Variants in PCSK6 observed in about 807,000 individuals in gnomAD.
The protein encoded by PCSK6 is proprotein convertase subtilisin/kexin type 6.
In PCSK6, 85 loss-of-function variants were observed where a neutral mutation model predicts 123.3. The observed-to-expected ratio is 0.69, with a 90% CI of 0.58 to 0.83. The LOEUF is 0.83. Among genes scored for constraint, PCSK6 ranks in the 40% least tolerant of loss-of-function variants. PCSK6 has a pLI of 0.00. For synonymous variants in PCSK6, 508 were observed against 516.0 expected, an observed-to-expected ratio of 0.98 and a Z score of 0.21; for missense variants, 1,191 against 1,282.3, an observed-to-expected ratio of 0.93 and a Z score of 1.09.
chr15:101,403,230 A>C (rs1325507458), intron 6 of PCSK6, among the ~76,000 whole-genome samples: 1 of 132,730 alleles, frequency 7.5e-6, no homozygotes, highest in African/African-American at 2.9e-5. Context: ...ATGAGAACAC[A>C]TGGACACAGG....
chr15:101,322,236 C>T (rs889178808), intron 18 of PCSK6, among the ~76,000 whole-genome samples: 8 of 152,134 alleles, frequency 5.3e-5, no homozygotes, highest in African/African-American at 1.7e-4. Flanking sequence ...GGTGCTGGAG[C>T]GAAAGGAGGC....
chr15:101,431,863 C>G (rs1261809756), intron 3 of PCSK6, 127 bp downstream of exon 3: 1 of 746,750 alleles, frequency 1.3e-6, no homozygotes, highest in East Asian at 2.7e-5. Flanking sequence ...TGGTTTTACA[C>G]CCTCAAGGTG....
intron 16 of PCSK6, among the ~76,000 whole-genome samples, 186 bp downstream of exon 16, chr15:101,326,191 T>A (rs1288405807): frequency 6.6e-6 from 1 of 152,274 alleles, no homozygotes; most frequent in Non-Finnish European, 1.5e-5. Flanking sequence ...TGGACATGTA[T>A]GACTTGCATG....
chr15:101,341,464 G>C (rs1348223348), intron 13 of PCSK6, among the ~76,000 whole-genome samples: 1 of 152,016 alleles, frequency 6.6e-6, no homozygotes, highest in Non-Finnish European at 1.5e-5. Context: ...GTTTTACCAT[G>C]TTGGCCACAC....
At chr15:101,313,616 G>C in intron 19 of PCSK6, 111 bp from the exon 20 acceptor site, 1 of 1,456,686 alleles carries the variant, frequency 6.9e-7, no homozygotes, top group Non-Finnish European at 9.1e-7. Context: ...GAGCCCCCAG[G>C]CCACCACCAC....
At chr15:101,440,199 G>T (rs1420568377) in intron 2 of PCSK6, among the ~76,000 whole-genome samples, 1 of 152,236 alleles carries the variant, frequency 6.6e-6, no homozygotes, top group African/African-American at 2.4e-5. Context: ...CCCAGCGACC[G>T]ATAACTGCAC....
At chr15:101,383,137 A>C (rs2041954885) in intron 10 of PCSK6, among the ~76,000 whole-genome samples, 1 of 152,032 alleles carries the variant, frequency 6.6e-6, no homozygotes. Flanking sequence ...GGTCGGGCAC[A>C]GTGGCTCACA....
intron 11 of PCSK6, among the ~76,000 whole-genome samples, chr15:101,379,948 C>T (rs1365579695): frequency 6.6e-5 from 10 of 152,202 alleles, no homozygotes; most frequent in Admixed American, 5.9e-4. Flanking sequence ...TCTCTGGAGG[C>T]CCGTATGTCC....
intron 20 of PCSK6, among the ~76,000 whole-genome samples, chr15:101,311,525 T>C (rs2039862741): frequency 6.6e-6 from 1 of 152,040 alleles, no homozygotes; most frequent in South Asian, 2.1e-4. Context: ...GGCGCCATGT[T>C]TCCTATGAAG....
intron 2 of PCSK6, among the ~76,000 whole-genome samples, chr15:101,443,144 TC>T (rs1281793410): frequency 6.6e-6 from 1 of 152,228 alleles, no homozygotes; most frequent in Non-Finnish European, 1.5e-5. Flanking sequence ...ATCCTGAAGA[TC>T]ATGTGAATCT....
intron 11 of PCSK6, among the ~76,000 whole-genome samples, chr15:101,377,214 A>G (rs3784495): frequency 0.77 from 116,456 of 152,064 alleles, 46,931 homozygotes; most frequent in South Asian, 0.91. Context: ...AGGCACTGGC[A>G]CCTGGCCAAG....
chr15:101,313,029 A>G, intron 20 of PCSK6: 1 of 1,185,882 alleles, frequency 8.4e-7, no homozygotes, highest in Non-Finnish European at 1.1e-6. Flanking sequence ...TTTAACCCAA[A>G]ACATGGTTTC....
At chr15:101,322,698 G>A (rs2040155724) in intron 17 of PCSK6, 91 bp from the exon 18 acceptor site, 5 of 789,078 alleles carry the variant, frequency 6.3e-6, no homozygotes, top group Non-Finnish European at 1.1e-5. Context: ...TTCAAAGCGG[G>A]GGTGCGGGTG....
intron 6 of PCSK6, among the ~76,000 whole-genome samples, chr15:101,417,571 C>A (rs1290855767): frequency 6.6e-6 from 1 of 151,972 alleles, no homozygotes; most frequent in Non-Finnish European, 1.5e-5. Context: ...CTGAAACGTA[C>A]AATTATTCAG....
intron 10 of PCSK6, among the ~76,000 whole-genome samples, chr15:101,382,595 T>C (rs2041941580): frequency 6.6e-6 from 1 of 152,172 alleles, no homozygotes; most frequent in Non-Finnish European, 1.5e-5. Flanking sequence ...ATCTGAGACC[T>C]CTCAGTTCAC....
intron 6 of PCSK6, among the ~76,000 whole-genome samples, chr15:101,406,967 G>A (rs1368127747): frequency 6.6e-6 from 1 of 152,182 alleles, no homozygotes; most frequent in Non-Finnish European, 1.5e-5. Flanking sequence ...TGATAACTGA[G>A]ACTGGTTCCC....
At chr15:101,426,027 T>C (rs1161171036) in intron 6 of PCSK6, among the ~76,000 whole-genome samples, 1 of 152,178 alleles carries the variant, frequency 6.6e-6, no homozygotes, top group East Asian at 1.9e-4. Flanking sequence ...GTGGGGATTC[T>C]GCATTTCTAA....
At chr15:101,370,981 AG>A (rs955862860) in intron 11 of PCSK6, among the ~76,000 whole-genome samples, 1 of 151,872 alleles carries the variant, frequency 6.6e-6, no homozygotes, top group African/African-American at 2.4e-5. Flanking sequence ...GGGGAGGGGG[AG>A]GGCAGATCAC....
intron 9 of PCSK6, among the ~76,000 whole-genome samples, chr15:101,387,821 G>A (rs749319619): frequency 1.6e-4 from 6 of 37,880 alleles, no homozygotes; most frequent in East Asian, 5.9e-4. Flanking sequence ...CTGCACAGGC[G>A]AGAGCTATCC....
Sources: allele counts gnomAD v4.1 joint callset (sites outside exome capture counted in the v4.1 genomes callset), GRCh38; gene constraint gnomAD v4.1.1; transcripts MANE v1.5; gene names NCBI Gene and HGNC (gene_info 2026-07-23, HGNC 2026-07-21).